Variants in RTN4 observed in about 807,000 individuals in gnomAD.
The protein encoded by RTN4 is reticulon-4.
Under a neutral mutation model 90.4 loss-of-function variants are expected in RTN4, and 32 were observed. The ratio of observed to expected loss-of-function variants is 0.35; its 90% confidence interval spans 0.27 to 0.48. The LOEUF (loss-of-function observed/expected upper bound fraction) is 0.48. RTN4 is among the 20% of genes least tolerant of loss of function. RTN4 has a pLI of 0.99. For synonymous variants in RTN4, 629 were observed against 552.5 expected (o/e 1.14, Z -1.94); for missense variants, 1,706 against 1,430.2 (o/e 1.19, Z -3.11).
At chr2:54,982,736 A>G in intron 4 of RTN4, 83 bp from the exon 5 acceptor site, 1 of 1,410,350 alleles carries the variant, frequency 7.1e-7, no homozygotes, top group Non-Finnish European at 9.6e-7. Context: ...TATCTGTAAG[A>G]AATTAAGAAA....
At chr2:55,070,370 C>G (rs1033042272) in intron 2 of RTN4, among the ~76,000 whole-genome samples, 2 of 151,534 alleles carry the variant, frequency 1.3e-5, no homozygotes, top group Non-Finnish European at 2.9e-5. Flanking sequence ...ATAGCGAGAT[C>G]TTGTCTCTAC....
intron 1 of RTN4, among the ~76,000 whole-genome samples, chr2:55,090,399 C>A (rs545753106): frequency 1.6e-4 from 25 of 152,338 alleles, no homozygotes; most frequent in African/African-American, 6.0e-4. Flanking sequence ...CAGTTCCCTG[C>A]ACACTCAATA....
rs1306945551 is a variant in RTN4, at chr2:55,026,504, G to A, written c.1595C>T (p.Thr532Ile). The stretch of plus-strand genomic sequence containing the variant: ...CTCAGTCACCTTTGTTAAATTATCT[G>A]TTGTGACATAATCTGTCTCAGAATC... ...AQDSETDYVT[T>I]DNLTKVTEEV... The change falls in exon 3 of 9, where the codon ACA becomes ATA. Residue 532 changes from threonine (T) to isoleucine (I), a missense_variant. By Grantham distance (89) the Thr-to-Ile change is moderately conservative. Coordinates refer to ENST00000337526, the MANE Select transcript of RTN4 (RefSeq NM_020532.5). 15 of 1,613,922 alleles carry A rather than the reference G, an allele frequency of 9.3e-6. No homozygotes were observed. The highest frequency in any genetic ancestry group is 1.7e-5 in the Admixed American group (1 of 59,972).
At chr2:55,108,191 G>C (rs1667977052) in intron 1 of RTN4, among the ~76,000 whole-genome samples, 1 of 152,096 alleles carries the variant, frequency 6.6e-6, no homozygotes, top group African/African-American at 2.4e-5. Flanking sequence ...CTGACTTCAG[G>C]TGATCCACCT....
chr2:55,001,854 T>C (rs1006762892), intron 3 of RTN4, among the ~76,000 whole-genome samples: 2 of 152,192 alleles, frequency 1.3e-5, no homozygotes, highest in African/African-American at 4.8e-5. Context: ...AAAGAAGCCA[T>C]TTTGTGCTAG....
chr2:55,050,956 G>A (rs1006624549), upstream of RTN4: 1 of 152,240 alleles, frequency 6.6e-6, no homozygotes, highest in Non-Finnish European at 1.5e-5. The surrounding 1 kb of genome is among the most constrained non-coding windows in gnomAD (Gnocchi z 4.6). Context: ...GGGAAAGGAA[G>A]AAACCCGACT....
At chr2:55,124,400 C>T in the RTN4 span, among the ~76,000 whole-genome samples, 3 of 152,178 alleles carry the variant, frequency 2.0e-5, no homozygotes, top group African/African-American at 4.8e-5. Flanking sequence ...AAGGCTAAAT[C>T]AAAGGAAAAC....
At chr2:54,981,721 A>G (rs540898736) in intron 5 of RTN4, among the ~76,000 whole-genome samples, 1 of 152,320 alleles carries the variant, frequency 6.6e-6, no homozygotes, top group African/African-American at 2.4e-5. Flanking sequence ...AAAAACTTCC[A>G]ATGATTACCA....
upstream of RTN4, among the ~76,000 whole-genome samples, chr2:55,113,824 T>C (rs897686741): frequency 6.6e-6 from 1 of 152,168 alleles, no homozygotes; most frequent in African/African-American, 2.4e-5. Context: ...AGGAACCACC[T>C]GTCTAATAGT....
chr2:55,005,454 G>C (rs955402750), intron 3 of RTN4, among the ~76,000 whole-genome samples: 8 of 152,242 alleles, frequency 5.3e-5, no homozygotes, highest in African/African-American at 1.9e-4. Context: ...TGTAAGAAAG[G>C]AATACATACT....
the RTN4 span, among the ~76,000 whole-genome samples, chr2:55,126,553 A>G: frequency 2.0e-5 from 3 of 152,196 alleles, no homozygotes; most frequent in Non-Finnish European, 2.9e-5. Context: ...TGTGGAGAAA[A>G]GGGAACACTT....
At chr2:55,133,912 A>G in the RTN4 span, among the ~76,000 whole-genome samples, 23 of 152,308 alleles carry the variant, frequency 1.5e-4, no homozygotes, top group South Asian at 4.8e-3. Context: ...AAGGAATGAA[A>G]GGGTGGAGAG....
At chr2:55,023,111 A>G (rs1464139717) in intron 3 of RTN4, among the ~76,000 whole-genome samples, 1 of 152,000 alleles carries the variant, frequency 6.6e-6, no homozygotes, top group Non-Finnish European at 1.5e-5. Flanking sequence ...TTCAACTTAG[A>G]TGCCACAGTC....
intron 3 of RTN4, among the ~76,000 whole-genome samples, chr2:54,999,807 T>C (rs192804338): frequency 3.2e-4 from 49 of 152,256 alleles, no homozygotes; most frequent in Admixed American, 9.2e-4. Context: ...TAGTAAGCTT[T>C]TGTCTCAACA....
chr2:55,049,728 G>A lies in RTN4; in HGVS notation c.556+17C>T. ...GGGCGCGAGGGGCGGCGCGAAGCGA[G>A]AGGTCGCGGCACTCACCCACTGAGC... On this transcript the variant is annotated intron_variant, in intron 1 of 8. Transcript: ENST00000337526. The A allele has an allele frequency of 7.2e-7, 1 of 1,396,954 alleles. No homozygotes were observed. Among genetic ancestry groups the A allele is most frequent in the Non-Finnish European group, 9.4e-7 (1 of 1,067,978 alleles). The allele number at this position is 1,396,954 out of a possible 1,614,324, so 86.5% of individuals were successfully genotyped here. A position where few individuals can be genotyped will look rare whatever the true frequency, so the allele number is the denominator to read the frequency against.
At chr2:54,998,018 G>A (rs1679568185) in intron 3 of RTN4, among the ~76,000 whole-genome samples, 1 of 152,146 alleles carries the variant, frequency 6.6e-6, no homozygotes, top group Admixed American at 6.6e-5. Context: ...GGAAACTACT[G>A]TACTGATACA....
chr2:55,055,119 C>T (rs554549123), upstream of RTN4, among the ~76,000 whole-genome samples: 89 of 152,038 alleles, frequency 5.9e-4, no homozygotes, highest in Non-Finnish European at 1.0e-3. Context: ...TAACTGTTTT[C>T]GGTCCCCTGC....
chr2:55,134,611 G>A, the RTN4 span, among the ~76,000 whole-genome samples: 3 of 152,172 alleles, frequency 2.0e-5, no homozygotes, highest in Admixed American at 6.5e-5. Context: ...TATGCAAAGA[G>A]AATATTATTC....
intron 3 of RTN4, among the ~76,000 whole-genome samples, chr2:55,006,034 A>G (rs1172588850): frequency 1.3e-5 from 2 of 152,200 alleles, no homozygotes; most frequent in Non-Finnish European, 2.9e-5. Context: ...GAATTAAAAT[A>G]TTGTAGTCAT....
Sources: gnomAD v4.1 joint callset for allele counts (sites outside exome capture counted in the v4.1 genomes callset) on GRCh38, gnomAD v4.1.1 for gene constraint, Gnocchi (gnomAD v3.1) non-coding constraint, MANE v1.5 for transcripts, NCBI Gene and HGNC (gene_info 2026-07-23, HGNC 2026-07-21) for gene names.